The following KIF1A variants were observed in gnomAD, a reference collection of about 807,000 sequenced individuals.
KIF1A encodes kinesin-like protein KIF1A.
In KIF1A, 46 loss-of-function variants were observed where a neutral mutation model predicts 227.3. The ratio of observed to expected loss-of-function variants is 0.20; its 90% confidence interval spans 0.16 to 0.26. The LOEUF (loss-of-function observed/expected upper bound fraction) is 0.26, where lower values mean the gene tolerates loss of function less well. KIF1A is among the 10% of genes least tolerant of loss of function. The pLI is 1.00. For missense variants in KIF1A, 1,683 were observed against 2,485.9 expected (o/e 0.68, Z 6.87); for synonymous variants, 1,022 against 1,012.8 (o/e 1.01, Z -0.17).
rs186994554 is a variant in KIF1A at position 240,794,924 on chromosome 2, C to T, written c.106+2723G>A. On this transcript the variant is annotated intron_variant, in intron 2 of 48. Coordinates refer to ENST00000498729, the MANE Select transcript of KIF1A (RefSeq NM_001244008.2). ...TTCAGTTTCCCGAGGATGAAAGTGA[C>T]AATGTCTGAAACATTCCAGGTGTCC... Among the ~76,000 whole-genome samples, 115 of 152,324 alleles carry T rather than the reference C, an allele frequency of 7.5e-4. 1 individual carries two copies. The highest frequency in any genetic ancestry group is 2.7e-3 in the African/African-American group (112 of 41,574).
Position 240,818,970 on chromosome 2 carries a change from CGGG to C in KIF1A, c.-61+1149_-61+1151del. 2 of 152,448 alleles carry C rather than the reference CGGG, an allele frequency of 1.3e-5. 1 individual carries two copies. Among genetic ancestry groups the C allele is most frequent in the Middle Eastern group, 6.8e-3 (2 of 294 alleles). 9.4% of individuals were successfully genotyped at this position (152,448 alleles called of 1,614,324 possible). On this transcript the variant is annotated intron_variant, in intron 1 of 48. Transcript: ENST00000498729. The stretch of plus-strand genomic sequence containing the variant: ...GTCTCTGGGGGAAAGTCCCTATTCC[CGGG>C]GACGTGGGCGCGCATCGGGTCCGCG...
At position 240,743,000 on chromosome 2, in the gene KIF1A, C is replaced by G; in HGVS notation, c.3585-16G>C. On this transcript the variant is annotated splice_polypyrimidine_tract_variant and intron_variant, in intron 33 of 48. Transcript: ENST00000498729. Reference sequence around the variant, plus strand: ...CCTCAGGGGGCTGTGGAGAAAGGACCAGTGTGAGGTGTTTGCGGGACCCTG... The same window carrying G: ...CCTCAGGGGGCTGTGGAGAAAGGACGAGTGTGAGGTGTTTGCGGGACCCTG... 1 of 1,599,002 alleles carries G rather than the reference C, an allele frequency of 6.3e-7. No homozygotes were observed. Among genetic ancestry groups the G allele is most frequent in the Non-Finnish European group, 8.5e-7 (1 of 1,170,926 alleles).
rs1294376468 is a variant in KIF1A at position 240,774,197 on chromosome 2, G to A, written c.1023C>T (p.Thr341=). The A allele has an allele frequency of 6.2e-7, 1 of 1,605,578 alleles. No individual in the cohort carries two copies. Among genetic ancestry groups the A allele is most frequent in the South Asian group, 1.1e-5 (1 of 90,314 alleles). Residue 341 remains threonine (T), a synonymous_variant, in exon 12 of 49, where the codon ACC becomes ACT. Coordinates refer to ENST00000498729, the MANE Select transcript of KIF1A (RefSeq NM_001244008.2). ...LSPADINYDE[T]LSTLRYADRA... ...GGAGAACTCACCTCAGCGTGCTAAG[G>A]GTCTCATCGTAGTTGATGTCTGCAG...
intron 32 of KIF1A, 124 bp downstream of exon 32, chr2:240,745,303 C>T (rs1423561000): frequency 5.1e-6 from 4 of 786,866 alleles, no homozygotes; most frequent in Admixed American, 4.0e-5. Context: ...CACTGGAGTT[C>T]CCGGTGCACA....
chr2:240,723,615 C>G (rs2045660196), intron 41 of KIF1A, 57 bp from the exon 42 acceptor site: 1 of 1,488,142 alleles, frequency 6.7e-7, no homozygotes, highest in Non-Finnish European at 9.0e-7. Flanking sequence ...CTCCTCCCAC[C>G]CATCCTAGAG....
At chr2:240,747,367 G>C (rs2048726493) in intron 28 of KIF1A, 46 bp from the exon 29 acceptor site, 2 of 1,526,416 alleles carry the variant, frequency 1.3e-6, no homozygotes, top group Admixed American at 1.7e-5. Flanking sequence ...CTTGTCCCCT[G>C]AGGTGGGTGT....
intron 10 of KIF1A, among the ~76,000 whole-genome samples, chr2:240,780,272 C>T (rs372643765): frequency 7.2e-4 from 109 of 152,080 alleles, no homozygotes; most frequent in African/African-American, 2.1e-3. Flanking sequence ...GTCCCTCACA[C>T]GATTCCCACG....
rs1479692383 is a variant in KIF1A, at chr2:240,742,919, C to T, written c.3640+10G>A. Reference sequence around the variant, plus strand: ...CACTGCCCTGAGACGGCTCCAGAGACCCTTCCTACCTGGCTTGGACAGTGG... The same window carrying T: ...CACTGCCCTGAGACGGCTCCAGAGATCCTTCCTACCTGGCTTGGACAGTGG... On this transcript the variant is annotated intron_variant, in intron 34 of 48. Coordinates refer to ENST00000498729, the MANE Select transcript of KIF1A (RefSeq NM_001244008.2). 1 of 1,610,084 alleles carries T rather than the reference C, an allele frequency of 6.2e-7. No individual in the cohort carries two copies. Among genetic ancestry groups the T allele is most frequent in the East Asian group, 2.2e-5 (1 of 44,774 alleles).
In KIF1A at chr2:240,778,740, C is replaced by G. The variant is rs540484367; in HGVS notation, c.883-2814G>C. Among the ~76,000 whole-genome samples the G allele has an allele frequency of 6.6e-6, 1 of 151,770 alleles. No individual in the cohort carries two copies. Among genetic ancestry groups the G allele is most frequent in the Non-Finnish European group, 1.5e-5 (1 of 67,946 alleles). On this transcript the variant is annotated intron_variant, in intron 10 of 48. Transcript: ENST00000498729. The surrounding 1 kb of genome is among the most constrained non-coding windows in gnomAD (Gnocchi z 7.2). The stretch of plus-strand genomic sequence containing the variant: ...ACACTCCCCGACAACCCCTCGCACA[C>G]GTCTCTGCAGCTTTCCTCACGATTC...
intron 1 of KIF1A, among the ~76,000 whole-genome samples, chr2:240,809,253 T>A (rs10933636): frequency 0.63 from 95,268 of 152,024 alleles, 30,517 homozygotes; most frequent in South Asian, 0.78. Context: ...TATGGTAGAG[T>A]AAGATGTTAA....
chr2:240,818,134 C>G (rs1220803113), intron 1 of KIF1A, among the ~76,000 whole-genome samples: 1 of 152,200 alleles, frequency 6.6e-6, no homozygotes, highest in Non-Finnish European at 1.5e-5. Flanking sequence ...CCACAGGGAC[C>G]TCCCTGGGCC....
intron 9 of KIF1A, 147 bp from the exon 10 acceptor site, chr2:240,782,754 A>C (rs915101814): frequency 3.1e-5 from 27 of 876,626 alleles, no homozygotes; most frequent in Non-Finnish European, 4.5e-5. Context: ...CAGCTCCCCC[A>C]GGCAGGGTCC....
Position 240,788,034 on chromosome 2 carries a change from C to CCCCCCCCCCCTCCT in KIF1A, c.363+16_363+17insAGGAGGGGGGGGGG. The CCCCCCCCCCCTCCT allele has an allele frequency of 2.8e-6, 4 of 1,449,060 alleles. No individual in the cohort carries two copies. The highest frequency in any genetic ancestry group is 3.8e-6 in the Non-Finnish European group (4 of 1,059,098). 89.8% of individuals were successfully genotyped at this position (1,449,060 alleles called of 1,614,324 possible). A position where few individuals can be genotyped will look rare whatever the true frequency, so the allele number is the denominator to read the frequency against. On this transcript the variant is annotated intron_variant, in intron 4 of 48. Coordinates refer to ENST00000498729, the MANE Select transcript of KIF1A (RefSeq NM_001244008.2). This position sits in a 1 kb window ranked among gnomAD's most constrained non-coding sequence, Gnocchi z 6.6. ...CCCATCTGCCAGGGCTGCCCCCGCC[C>CCCCCCCCCCCTCCT]GCCCCCCGCTTCGTGCCTGTGGGAT...
In KIF1A at chr2:240,790,728, T is replaced by C. The variant is rs891094602; in HGVS notation, c.107-1416A>G. ...AGAGGAGATTTGGAGACAGGGAGGGTGCCATGAGAACATGAGGGCAGAGAT... is the reference window on the plus strand; with the variant it reads ...AGAGGAGATTTGGAGACAGGGAGGGCGCCATGAGAACATGAGGGCAGAGAT... On this transcript the variant is annotated intron_variant, in intron 2 of 48. Transcript: ENST00000498729. The surrounding 1 kb of genome is among the most constrained non-coding windows in gnomAD (Gnocchi z 5.0). 2.6e-5 allele frequency among the ~76,000 whole-genome samples: 4 copies of C among 151,306 alleles called. No homozygotes were observed. Among genetic ancestry groups the C allele is most frequent in the Non-Finnish European group, 2.9e-5 (2 of 67,876 alleles).
Position 240,752,238 on chromosome 2 carries a change from C to T in KIF1A, c.2859-1691G>A, listed in dbSNP as rs2049308068. Among the ~76,000 whole-genome samples, 3 of 152,200 alleles carry T rather than the reference C, an allele frequency of 2.0e-5. No individual in the cohort carries two copies. The highest frequency in any genetic ancestry group is 3.9e-4 in the East Asian group (2 of 5,150). On this transcript the variant is annotated intron_variant, in intron 27 of 48. Transcript: ENST00000498729. The surrounding 1 kb of genome is among the most constrained non-coding windows in gnomAD (Gnocchi z 6.4). ...TTGTTACCCACAGGGCTGCAGGCGGCTCTGCCTGACTTAGGTGTGGGGGCT... is the reference window on the plus strand; with the variant it reads ...TTGTTACCCACAGGGCTGCAGGCGGTTCTGCCTGACTTAGGTGTGGGGGCT...
chr2:240,788,217 T>C lies in KIF1A; in HGVS notation c.197A>G (p.Asn66Ser). 1 of 1,613,752 alleles carries C rather than the reference T, an allele frequency of 6.2e-7. No homozygotes were observed. Among genetic ancestry groups the C allele is most frequent in the Non-Finnish European group, 8.5e-7 (1 of 1,179,838 alleles). ...GTACACCTGCTTCTGCGACGCGTAG[T>C]TGATGTCCTCAGGCTGGAGGACGAG... ...YWSHTSPEDI[N>S]YASQKQVYRD... Residue 66 changes from asparagine to serine, a missense_variant, in exon 4 of 49, where the codon AAC becomes AGC. By Grantham distance (46) the Asn-to-Ser change is conservative (BLOSUM62 1). Around this residue, in one of 12 missense-constraint regions of KIF1A, gnomAD observed 71 missense variants for 129.1 expected, o/e 0.55. Coordinates refer to ENST00000498729, the MANE Select transcript of KIF1A (RefSeq NM_001244008.2). The surrounding 1 kb of genome is among the most constrained non-coding windows in gnomAD (Gnocchi z 6.6).
rs1335460531 is a variant in KIF1A at position 240,778,689 on chromosome 2, C to T, written c.883-2763G>A. On this transcript the variant is annotated intron_variant, in intron 10 of 48. Coordinates refer to ENST00000498729, the MANE Select transcript of KIF1A (RefSeq NM_001244008.2). The surrounding 1 kb of genome is among the most constrained non-coding windows in gnomAD (Gnocchi z 7.2). ...CAGCTCCACGCGGCGCCCAGCAGGT[C>T]CCCGCAGCTTCCCATCCAGCTCCTC... Among the ~76,000 whole-genome samples, 1 of 151,650 alleles carries T rather than the reference C, an allele frequency of 6.6e-6. No homozygotes were observed. Among genetic ancestry groups the T allele is most frequent in the Non-Finnish European group, 1.5e-5 (1 of 67,914 alleles).
intron 2 of KIF1A, among the ~76,000 whole-genome samples, chr2:240,794,511 A>C (rs890260973): frequency 6.6e-6 from 1 of 151,968 alleles, no homozygotes; most frequent in Non-Finnish European, 1.5e-5. Context: ...GCACTTTCTC[A>C]CAGCTGTAAA....
At chr2:240,727,948 A>C (rs1160566629) in intron 38 of KIF1A, among the ~76,000 whole-genome samples, 1 of 152,080 alleles carries the variant, frequency 6.6e-6, no homozygotes, top group Non-Finnish European at 1.5e-5. Flanking sequence ...GAATGTGGCT[A>C]CTCTGCAGAC....
Sources: gnomAD v4.1 joint callset for allele counts (sites outside exome capture counted in the v4.1 genomes callset) on GRCh38, gnomAD v4.1.1 for gene constraint, gnomAD v4.1.1 regional missense constraint, Gnocchi (gnomAD v3.1) non-coding constraint, MANE v1.5 for transcripts, NCBI Gene and HGNC (gene_info 2026-07-23, HGNC 2026-07-21) for gene names.